BTBD9: variants seen among roughly 807,000 people sequenced by gnomAD.
BTBD9 encodes the protein BTB domain containing 9.
In BTBD9, 49 loss-of-function variants were observed where a neutral mutation model predicts 64.3. That is an observed-to-expected ratio of 0.76 (90% CI 0.61 to 0.97). The LOEUF (loss-of-function observed/expected upper bound fraction) is 0.97, where lower values mean the gene tolerates loss of function less well. Ranked by LOEUF, BTBD9 falls within the 50% of genes least tolerant of loss-of-function variation. BTBD9 has a pLI of 0.00. For synonymous variants in BTBD9, 260 were observed against 274.7 expected (o/e 0.95, Z 0.53); for missense variants, 598 against 762.1 (o/e 0.78, Z 2.53).
intron 6 of BTBD9, among the ~76,000 whole-genome samples, chr6:38,495,024 T>C (rs773633303): frequency 9.2e-5 from 14 of 152,188 alleles, no homozygotes; most frequent in Non-Finnish European, 1.9e-4. Context: ...AGGATAATAA[T>C]AACTAGCTAT....
chr6:38,178,415 C>T (rs761899336), intron 10 of BTBD9, among the ~76,000 whole-genome samples: 4 of 152,156 alleles, frequency 2.6e-5, no homozygotes, highest in African/African-American at 4.8e-5. Flanking sequence ...GAGGTACACA[C>T]GTACCACAAG....
At chr6:38,443,618 T>C (rs114615797) in intron 6 of BTBD9, among the ~76,000 whole-genome samples, 1,921 of 152,326 alleles carry the variant, frequency 0.013, 45 homozygotes, top group African/African-American at 0.044. Context: ...AAGTTGGCCC[T>C]GAACACACTC....
intron 6 of BTBD9, among the ~76,000 whole-genome samples, chr6:38,568,668 C>G (rs1562352599): frequency 6.6e-6 from 1 of 152,188 alleles, no homozygotes; most frequent in Non-Finnish European, 1.5e-5. Flanking sequence ...AACTGATAGA[C>G]TAACATTCAT....
At chr6:38,282,730 C>T (rs1282042033) in intron 8 of BTBD9, among the ~76,000 whole-genome samples, 1 of 152,164 alleles carries the variant, frequency 6.6e-6, no homozygotes, top group African/African-American at 2.4e-5. Flanking sequence ...CTTGGCACTG[C>T]CGGTGATGCT....
chr6:38,186,189 C>T (rs1010146736), intron 10 of BTBD9, among the ~76,000 whole-genome samples: 7 of 152,170 alleles, frequency 4.6e-5, no homozygotes, highest in Non-Finnish European at 8.8e-5. Flanking sequence ...CACAATTTTG[C>T]CAACACTTAG....
intron 6 of BTBD9, among the ~76,000 whole-genome samples, chr6:38,453,183 T>C: frequency 6.6e-6 from 1 of 152,162 alleles, no homozygotes; most frequent in East Asian, 1.9e-4. Flanking sequence ...CATTATTTTA[T>C]ACAGACCACT....
At chr6:38,333,693 T>G (rs927553873) in intron 7 of BTBD9, among the ~76,000 whole-genome samples, 5 of 152,232 alleles carry the variant, frequency 3.3e-5, no homozygotes, top group Admixed American at 2.6e-4. Context: ...GTGAAGCCTC[T>G]GCAGAAGCAG....
chr6:38,604,550 C>T lies in BTBD9; in HGVS notation c.-27-6429G>A, dbSNP rs533298551. 1.5e-3 allele frequency among the ~76,000 whole-genome samples: 230 copies of T among 152,274 alleles called. 1 individual carries two copies. The highest frequency in any genetic ancestry group is 5.0e-3 in the South Asian group (24 of 4,828). ...AATAAAAGTCTCTACTTTTGAAGAA[C>T]TCATTGTCTACTAAGGAAAGTAGGA... On this transcript the variant is annotated intron_variant, in intron 1 of 10. Coordinates refer to ENST00000481247, the MANE Select transcript of BTBD9 (RefSeq NM_001099272.2).
At chr6:38,407,587 T>A (rs544626226) in intron 6 of BTBD9, among the ~76,000 whole-genome samples, 1 of 152,252 alleles carries the variant, frequency 6.6e-6, no homozygotes, top group Non-Finnish European at 1.5e-5. Context: ...ATAAAAGTCA[T>A]TTTCCCAATG....
rs1766795436 is a variant in BTBD9, at chr6:38,171,871, AAAAAAAAAAAATAATAAT to A, written c.*3096_*3113del. On this transcript the variant is annotated 3_prime_UTR_variant, in exon 11 of 11. Coordinates refer to ENST00000481247, the MANE Select transcript of BTBD9 (RefSeq NM_001099272.2). Reference sequence around the variant, plus strand: ...CAAAAAAAAAAAAAAAAAAAAAAAAAAAAAAAAAAAATAATAATAATAATAATAATAATAATAATGAAA... The same window carrying A: ...CAAAAAAAAAAAAAAAAAAAAAAAAAAATAATAATAATAATAATAATGAAA... 8.6e-6 allele frequency: 1 copy of A among 115,996 alleles called. No homozygotes were observed. The highest frequency in any genetic ancestry group is 2.7e-4 in the South Asian group (1 of 3,710). 7.2% of individuals were successfully genotyped at this position (115,996 alleles called of 1,614,324 possible).
intron 6 of BTBD9, among the ~76,000 whole-genome samples, chr6:38,432,046 G>A (rs1332885238): frequency 6.6e-6 from 1 of 151,868 alleles, no homozygotes; most frequent in African/African-American, 2.4e-5. Flanking sequence ...GATGAATTCT[G>A]GTGGAAGTAA....
At chr6:38,465,772 T>A (rs1770353752) in intron 6 of BTBD9, among the ~76,000 whole-genome samples, 1 of 134,302 alleles carries the variant, frequency 7.4e-6, no homozygotes, top group African/African-American at 2.8e-5. Flanking sequence ...TATGTATGTA[T>A]TTCAGTTATT....
chr6:38,470,506 T>G (rs764882722), intron 6 of BTBD9, among the ~76,000 whole-genome samples: 4 of 151,592 alleles, frequency 2.6e-5, no homozygotes, highest in African/African-American at 9.7e-5. Context: ...TTAGGGAGGG[T>G]TGGTTTTATT....
At chr6:38,222,525 C>T (rs1356803598) in intron 9 of BTBD9, among the ~76,000 whole-genome samples, 2 of 151,996 alleles carry the variant, frequency 1.3e-5, no homozygotes, top group African/African-American at 2.4e-5. Flanking sequence ...TCCCAAAGTG[C>T]TAGGATTACA....
intron 7 of BTBD9, among the ~76,000 whole-genome samples, chr6:38,297,653 T>C (rs551064668): frequency 2.6e-5 from 4 of 152,298 alleles, no homozygotes; most frequent in African/African-American, 9.6e-5. Flanking sequence ...TTCTGGTCTC[T>C]TGTAAATAAC....
intron 7 of BTBD9, among the ~76,000 whole-genome samples, chr6:38,305,891 T>C (rs1762607621): frequency 6.6e-6 from 1 of 152,164 alleles, no homozygotes; most frequent in African/African-American, 2.4e-5. Flanking sequence ...TCACCACTGG[T>C]TTACTAATAT....
At chr6:38,597,861 T>C in intron 2 of BTBD9, 49 bp downstream of exon 2, 1 of 1,508,074 alleles carries the variant, frequency 6.6e-7, no homozygotes, top group Non-Finnish European at 9.1e-7. Flanking sequence ...AAAATACCAG[T>C]GTTTTCTACA....
chr6:38,544,411 G>C (rs142982183), intron 6 of BTBD9, among the ~76,000 whole-genome samples: 1 of 152,062 alleles, frequency 6.6e-6, no homozygotes, highest in Non-Finnish European at 1.5e-5. Flanking sequence ...GTGTGTCAGT[G>C]AGTGTGTGTG....
At chr6:38,294,704 T>C (rs959437925) in intron 7 of BTBD9, among the ~76,000 whole-genome samples, 3 of 152,020 alleles carry the variant, frequency 2.0e-5, no homozygotes, top group Non-Finnish European at 4.4e-5. Context: ...CTAATGTAGA[T>C]GATGGGTTGA....
Sources: gnomAD v4.1 joint callset for allele counts (sites outside exome capture counted in the v4.1 genomes callset) on GRCh38, gnomAD v4.1.1 for gene constraint, MANE v1.5 for transcripts, NCBI Gene and HGNC (gene_info 2026-07-23, HGNC 2026-07-21) for gene names.